TMIGD2: variants seen among roughly 807,000 people sequenced by gnomAD.
TMIGD2 encodes transmembrane and immunoglobulin domain containing 2.
A neutral mutation model predicts 22.6 loss-of-function variants in TMIGD2; 18 were observed. The observed-to-expected ratio is 0.80, with a 90% CI of 0.55 to 1.18. The LOEUF (loss-of-function observed/expected upper bound fraction) is 1.18. Ranked by LOEUF, TMIGD2 falls within the 50% of genes most tolerant of loss-of-function variation. The probability of loss-of-function intolerance (pLI) is 0.00; values close to 1 mark genes in which losing one functional copy is unlikely to be tolerated. For synonymous variants in TMIGD2, 184 were observed against 154.1 expected (o/e 1.19, Z -1.44); for missense variants, 361 against 378.2 (o/e 0.95, Z 0.38).
At chr19:4,301,537 G>A (rs1360797694) in intron 1 of TMIGD2, among the ~76,000 whole-genome samples, 1 of 152,194 alleles carries the variant, frequency 6.6e-6, no homozygotes, top group Admixed American at 6.5e-5. Flanking sequence ...AGGCGCAGTG[G>A]CGCGCGCCTG....
rs771292646 is a variant in TMIGD2 at position 4,294,602 on chromosome 19, C to T, written c.527G>A (p.Arg176His). 164 of 1,610,844 alleles carry T rather than the reference C, an allele frequency of 1.0e-4. No homozygotes were observed. Among genetic ancestry groups the T allele is most frequent in the South Asian group, 9.0e-4 (82 of 90,732 alleles). The change falls in exon 4 of 5, where the codon CGC becomes CAC. Residue 176 changes from arginine (R) to histidine (H), a missense_variant. Coordinates refer to ENST00000301272, the Ensembl canonical transcript of TMIGD2. ...ACCTGAGTCCCTTTGCTGGCAGCTG[C>T]GGCGGCCCCAGAACCAGGCACCCCA...
exon 5 of TMIGD2, chr19:4,292,777 G>T: frequency 6.2e-7 from 1 of 1,611,834 alleles, no homozygotes; most frequent in Non-Finnish European, 8.5e-7. Flanking sequence ...CGGGAAGGAG[G>T]TTGAATAAAT....
chr19:4,301,983 C>G (rs926309525), intron 1 of TMIGD2, among the ~76,000 whole-genome samples: 1 of 152,142 alleles, frequency 6.6e-6, no homozygotes, highest in African/African-American at 2.4e-5. Context: ...TATTAGGCAG[C>G]TGGAACAGCA....
chr19:4,297,074 C>CTTTTTTT (rs71166981), intron 2 of TMIGD2, among the ~76,000 whole-genome samples: 2 of 105,234 alleles, frequency 1.9e-5, no homozygotes, highest in African/African-American at 7.4e-5. Flanking sequence ...GAGTCTGTGG[C>CTTTTTTT]TTTTTTTTTT....
chr19:4,299,804 T>A (rs1280585421), intron 1 of TMIGD2, among the ~76,000 whole-genome samples: 1 of 150,390 alleles, frequency 6.6e-6, no homozygotes, highest in Admixed American at 6.6e-5. Context: ...GAGAATCACT[T>A]GAATCCGAGA....
exon 4 of TMIGD2, chr19:4,294,606 G>A (rs747078678): frequency 9.3e-6 from 15 of 1,610,580 alleles, no homozygotes; most frequent in South Asian, 2.2e-5. Flanking sequence ...CAGCTGCGGC[G>A]GCCCCAGAAC....
intron 2 of TMIGD2, among the ~76,000 whole-genome samples, chr19:4,297,056 A>G (rs1234365453): frequency 2.0e-5 from 3 of 149,260 alleles, no homozygotes; most frequent in African/African-American, 7.4e-5. Flanking sequence ...GGTTTCTTCC[A>G]ACTTTGAGAG....
chr19:4,292,623 C>T (rs1481500766), exon 5 of TMIGD2: 1 of 1,613,130 alleles, frequency 6.2e-7, no homozygotes, highest in Non-Finnish European at 8.5e-7. Context: ...CTTTGGGGAA[C>T]CCTTTTGGCC....
chr19:4,295,159 G>A (rs1382089680), intron 2 of TMIGD2, among the ~76,000 whole-genome samples: 1 of 150,990 alleles, frequency 6.6e-6, no homozygotes, highest in Non-Finnish European at 1.5e-5. Context: ...TACTCAGGAG[G>A]CTGAGGCAGG....
chr19:4,294,885 G>C, intron 2 of TMIGD2, 69 bp from the exon 3 acceptor site: 3 of 1,445,970 alleles, frequency 2.1e-6, no homozygotes, highest in East Asian at 5.1e-5. Flanking sequence ...AGCTCACTTG[G>C]GGGGACCTAA....
At chr19:4,300,771 GGC>G (rs1373579692) in intron 1 of TMIGD2, among the ~76,000 whole-genome samples, 4 of 152,208 alleles carry the variant, frequency 2.6e-5, no homozygotes, top group African/African-American at 9.6e-5. Context: ...GACTGTGCCT[GGC>G]GTGTTGGAGG....
chr19:4,292,899 C>T lies in TMIGD2; in HGVS notation c.563-14G>A. On this transcript the variant is annotated splice_polypyrimidine_tract_variant and intron_variant, in intron 4 of 4. Transcript: ENST00000301272. The stretch of plus-strand genomic sequence containing the variant: ...AGAATGCATTTCCTAGGATGGATGA[C>T]ACAGACCAAGAGGATCACTTAAGAG... 6.2e-7 allele frequency: 1 copy of T among 1,613,094 alleles called. No homozygotes were observed. Among genetic ancestry groups the T allele is most frequent in the Non-Finnish European group, 8.5e-7 (1 of 1,179,860 alleles).
In TMIGD2 at chr19:4,293,951, T is replaced by G. The variant is rs955226010; in HGVS notation, c.562+616A>C. On this transcript the variant is annotated intron_variant, in intron 4 of 4. Transcript: ENST00000301272. ...TAATGTTTGTATTTTTAGTAGAGAC[T>G]GGGTTTCACCATGTCGCCCAGGCTG... is the stretch of plus-strand genomic sequence containing the variant. Among the ~76,000 whole-genome samples the G allele has an allele frequency of 4.0e-5, 6 of 150,780 alleles. 1 individual carries two copies. The highest frequency in any genetic ancestry group is 5.9e-5 in the Non-Finnish European group (4 of 67,744).
intron 2 of TMIGD2, among the ~76,000 whole-genome samples, chr19:4,296,546 G>C (rs1971462738): frequency 6.6e-6 from 1 of 152,162 alleles, no homozygotes; most frequent in South Asian, 2.1e-4. Flanking sequence ...AGCTGTGTGG[G>C]GTTGGACCCG....
chr19:4,299,457 T>C (rs1971506546), intron 1 of TMIGD2, among the ~76,000 whole-genome samples: 1 of 151,514 alleles, frequency 6.6e-6, no homozygotes, highest in African/African-American at 2.4e-5. Flanking sequence ...TTTTTTTTTT[T>C]CTTAAGACCA....
intron 3 of TMIGD2, 42 bp downstream of exon 3, chr19:4,294,733 C>G (rs764858968): frequency 1.3e-6 from 2 of 1,568,344 alleles, no homozygotes; most frequent in African/African-American, 2.7e-5. Flanking sequence ...GGTGGTGATG[C>G]GGGTGGAAGA....
Position 4,294,666 on chromosome 19 carries a change from G to GCA in TMIGD2, c.461_462dup (p.Leu155CysfsTer142). 1 of 1,592,178 alleles carries GCA rather than the reference G, an allele frequency of 6.3e-7. No individual in the cohort carries two copies. The highest frequency in any genetic ancestry group is 1.1e-5 in the South Asian group (1 of 87,874). On this transcript the variant is annotated frameshift_variant, in exon 4 of 5. Transcript: ENST00000301272. LOFTEE classifies it high-confidence loss of function. Reference sequence around the variant, plus strand: ...ACACCCATGCTTCCCACCCCCAGCAGCACGAAGAGGAATCCTGGGTAGGGG... The same window carrying GCA: ...ACACCCATGCTTCCCACCCCCAGCAGCACACGAAGAGGAATCCTGGGTAGGGG...
intron 1 of TMIGD2, among the ~76,000 whole-genome samples, chr19:4,300,617 A>G (rs1971524285): frequency 6.6e-6 from 1 of 152,206 alleles, no homozygotes. Context: ...CAGCCTCCCA[A>G]ATTACTGGTG....
At chr19:4,292,965 T>G in intron 4 of TMIGD2, 80 bp from the exon 5 acceptor site, 1 of 287,636 alleles carries the variant, frequency 3.5e-6, no homozygotes, top group Middle Eastern at 8.3e-4. Context: ...GATCTGTCTC[T>G]TTTTTTTTTT....
Sources: allele counts gnomAD v4.1 joint callset (sites outside exome capture counted in the v4.1 genomes callset), GRCh38; gene constraint gnomAD v4.1.1; transcripts MANE v1.5; gene names NCBI Gene and HGNC (gene_info 2026-07-23, HGNC 2026-07-21).